Variants in NR2C2 observed in about 807,000 individuals in gnomAD.
The protein encoded by NR2C2 is Nuclear hormone receptor TR4.
NR2C2 carries 6 observed loss-of-function variants against 62.9 expected under a neutral mutation model. The observed-to-expected ratio is 0.10, with a 90% CI of 0.05 to 0.19. The LOEUF is 0.19. Ranked by LOEUF, NR2C2 falls within the 10% of genes least tolerant of loss-of-function variation. NR2C2 has a pLI of 1.00. For synonymous variants in NR2C2, 272 were observed against 273.8 expected (o/e 0.99, Z 0.07); for missense variants, 479 against 762.7 (o/e 0.63, Z 4.38).
intron 1 of NR2C2, among the ~76,000 whole-genome samples, chr3:14,998,188 G>A (rs189907788): frequency 1.5e-4 from 23 of 152,208 alleles, no homozygotes; most frequent in African/African-American, 5.3e-4. Context: ...TATTTGAGTT[G>A]TTTCTACTTT....
At chr3:14,989,077 A>G (rs1279550398) in intron 1 of NR2C2, among the ~76,000 whole-genome samples, 1 of 152,176 alleles carries the variant, frequency 6.6e-6, no homozygotes, top group East Asian at 1.9e-4. Flanking sequence ...GAGGTATAAA[A>G]ACCAAGTAAT....
At chr3:14,972,777 T>C (rs1235474667) in intron 1 of NR2C2, among the ~76,000 whole-genome samples, 1 of 152,188 alleles carries the variant, frequency 6.6e-6, no homozygotes, top group South Asian at 2.1e-4. Flanking sequence ...GCTTTACTCA[T>C]GGTGGCAGAC....
intron 1 of NR2C2, among the ~76,000 whole-genome samples, chr3:14,966,074 A>G (rs1173320767): frequency 6.6e-6 from 1 of 152,270 alleles, no homozygotes; most frequent in East Asian, 1.9e-4. Flanking sequence ...TTGATTAGCT[A>G]AATGAGTAAG....
intron 5 of NR2C2, among the ~76,000 whole-genome samples, chr3:15,022,692 A>AT (rs537133603): frequency 1.3e-5 from 2 of 151,914 alleles, no homozygotes; most frequent in Admixed American, 6.6e-5. Context: ...AAAGATGGGC[A>AT]TTTTTTTATC....
At position 15,046,937 on chromosome 3, in the gene NR2C2, C is replaced by T. The variant is rs2042474875; in HGVS notation, c.*3929C>T. On this transcript the variant is annotated 3_prime_UTR_variant, in exon 14 of 14. Transcript: ENST00000425241. Reference sequence around the variant, plus strand: ...AGGGTTGGTTTGGGTCTTTTGTACACAGGGTCTGGACCTTCTCATTGTGTG... The same window carrying T: ...AGGGTTGGTTTGGGTCTTTTGTACATAGGGTCTGGACCTTCTCATTGTGTG... 1 of 152,656 alleles carries T rather than the reference C, an allele frequency of 6.6e-6. No individual in the cohort carries two copies. The highest frequency in any genetic ancestry group is 1.5e-5 in the Non-Finnish European group (1 of 68,036). The allele number at this position is 152,656 out of a possible 1,614,324, so 9.5% of individuals were successfully genotyped here.
intron 2 of NR2C2, among the ~76,000 whole-genome samples, chr3:15,008,334 C>T (rs1449763437): frequency 1.3e-5 from 2 of 151,326 alleles, no homozygotes; most frequent in Non-Finnish European, 2.9e-5. Context: ...CCAGCCTGGG[C>T]AACCTAGTGA....
chr3:15,030,555 T>C (rs115562416), intron 9 of NR2C2, 103 bp downstream of exon 9: 7 of 1,195,466 alleles, frequency 5.9e-6, no homozygotes, highest in African/African-American at 3.2e-5. Flanking sequence ...GGGCCAGGCA[T>C]AGTGGCTCAT....
At chr3:15,015,118 TTCCTTCCTCCTCCTTTAGAGTAC>T (rs2041472229) in intron 3 of NR2C2, among the ~76,000 whole-genome samples, 1 of 152,226 alleles carries the variant, frequency 6.6e-6, no homozygotes, top group African/African-American at 2.4e-5. Flanking sequence ...GAAATCAGAA[TTCCTTCCTCCTCCTTTAGAGTAC>T]TCCTTGTCTG....
intron 1 of NR2C2, among the ~76,000 whole-genome samples, chr3:14,975,661 AATAATTT>A (rs1008044633): frequency 6.6e-6 from 1 of 152,062 alleles, no homozygotes; most frequent in African/African-American, 2.4e-5. Context: ...CAGGGAAGAG[AATAATTT>A]ATAGTTTTCT....
At chr3:15,008,198 C>A (rs944779116) in intron 2 of NR2C2, among the ~76,000 whole-genome samples, 1 of 150,590 alleles carries the variant, frequency 6.6e-6, no homozygotes, top group Non-Finnish European at 1.5e-5. Flanking sequence ...TAGATGTTAG[C>A]AAACAGTTTT....
chr3:15,024,796 G>C (rs2125036431), intron 7 of NR2C2, among the ~76,000 whole-genome samples: 1 of 152,318 alleles, frequency 6.6e-6, no homozygotes, highest in Admixed American at 6.5e-5. Flanking sequence ...TGTAAACCAA[G>C]TAATGAGGAA....
chr3:14,949,848 C>A (rs1286634949), intron 1 of NR2C2, among the ~76,000 whole-genome samples: 1 of 152,086 alleles, frequency 6.6e-6, no homozygotes, highest in African/African-American at 2.4e-5. Context: ...TGTGAGTTCT[C>A]TCTTTCTCTC....
chr3:15,030,307 C>A lies in NR2C2; in HGVS notation c.965C>A (p.Thr322Asn), dbSNP rs138369729. 3.7e-6 allele frequency: 6 copies of A among 1,611,964 alleles called. No homozygotes were observed. Among genetic ancestry groups the A allele is most frequent in the Non-Finnish European group, 5.1e-6 (6 of 1,179,454 alleles). The change falls in exon 9 of 14, where the codon ACC (threonine) becomes AAC (asparagine). Residue 322 changes from threonine (T) to asparagine (N), a missense_variant. Thr to Asn is a moderately conservative substitution (Grantham distance 65). Transcript: ENST00000425241. ...AFDTLAKALNTTDSSSSPSLA... is the reference protein window; with the variant it reads ...AFDTLAKALNNTDSSSSPSLA... ...GATACCTTAGCTAAAGCACTTAATA[C>A]CACAGACAGCTCCTCTTCTCCAAGC...
chr3:14,973,069 C>T (rs892554957), intron 1 of NR2C2, among the ~76,000 whole-genome samples: 1 of 152,132 alleles, frequency 6.6e-6, no homozygotes, highest in Non-Finnish European at 1.5e-5. Flanking sequence ...GTACTTTGTT[C>T]CATTCTGTGG....
chr3:14,964,538 T>A (rs13086425), intron 1 of NR2C2, among the ~76,000 whole-genome samples: 1 of 152,088 alleles, frequency 6.6e-6, no homozygotes, highest in Non-Finnish European at 1.5e-5. Flanking sequence ...TTTTTTGAGA[T>A]GGAGTCTCGC....
In NR2C2 at chr3:15,046,535, C is replaced by T. The variant is rs1322504590; in HGVS notation, c.*3527C>T. The T allele has an allele frequency of 6.6e-6, 1 of 152,306 alleles. No homozygotes were observed. The highest frequency in any genetic ancestry group is 1.9e-4 in the East Asian group (1 of 5,204). The allele number at this position is 152,306 out of a possible 1,614,324, so 9.4% of individuals were successfully genotyped here. On this transcript the variant is annotated 3_prime_UTR_variant, in exon 14 of 14. Transcript: ENST00000425241. ...CCTGCAGAGCACTCTTGCTCACAGC[C>T]CGCCCTCTGCAGGGCTTCCAGCCCC... is the stretch of plus-strand genomic sequence containing the variant.
At chr3:14,986,808 T>C (rs75659708) in intron 1 of NR2C2, among the ~76,000 whole-genome samples, 1 of 152,348 alleles carries the variant, frequency 6.6e-6, no homozygotes, top group African/African-American at 2.4e-5. Context: ...AGGTTGAGCA[T>C]TGCACTTGAT....
intron 5 of NR2C2, 115 bp downstream of exon 5, chr3:15,021,047 C>G: frequency 9.8e-7 from 1 of 1,015,942 alleles, no homozygotes; most frequent in Non-Finnish European, 1.4e-6. Context: ...AAAATATGCA[C>G]TCAGGCTTCA....
rs1013195358 is a variant in NR2C2, at chr3:15,047,664, C to T, written c.*4656C>T. On this transcript the variant is annotated 3_prime_UTR_variant, in exon 14 of 14. Coordinates refer to ENST00000425241, the MANE Select transcript of NR2C2 (RefSeq NM_001291694.2). ...CAAGATGTGGGGCACTGTCCTATGACTGAATAAATAGTAATTCCCATCTTT... is the reference window on the plus strand; with the variant it reads ...CAAGATGTGGGGCACTGTCCTATGATTGAATAAATAGTAATTCCCATCTTT... The T allele has an allele frequency of 2.0e-5, 3 of 152,204 alleles. No homozygotes were observed. Among genetic ancestry groups the T allele is most frequent in the Non-Finnish European group, 4.4e-5 (3 of 68,028 alleles). 9.4% of individuals were successfully genotyped at this position (152,204 alleles called of 1,614,324 possible). A position where few individuals can be genotyped will look rare whatever the true frequency, so the allele number is the denominator to read the frequency against.
Sources: gnomAD v4.1 joint callset for allele counts (sites outside exome capture counted in the v4.1 genomes callset) on GRCh38, gnomAD v4.1.1 for gene constraint, MANE v1.5 for transcripts, NCBI Gene and HGNC (gene_info 2026-07-23, HGNC 2026-07-21) for gene names.